The following NXPE3 variants were observed in gnomAD, a reference collection of about 807,000 sequenced individuals.
The protein encoded by NXPE3 is NXPE family member 3.
Under a neutral mutation model 46.1 loss-of-function variants are expected in NXPE3, and 26 were observed. The observed-to-expected ratio is 0.56, with a 90% CI of 0.41 to 0.78. The LOEUF (loss-of-function observed/expected upper bound fraction) is 0.78. NXPE3 is among the 30% of genes least tolerant of loss of function. The probability of loss-of-function intolerance (pLI) is 0.00; values close to 1 mark genes in which losing one functional copy is unlikely to be tolerated. For synonymous variants in NXPE3, 272 were observed against 257.9 expected (o/e 1.05, Z -0.52); for missense variants, 620 against 686.0 (o/e 0.90, Z 1.07).
Position 101,822,173 on chromosome 3 carries a change from A to C in NXPE3, c.*219A>C. On this transcript the variant is annotated 3_prime_UTR_variant, in exon 8 of 8. Transcript: ENST00000273347. ...CCAATGTTGACTTAGCCATGGTAGA[A>C]CTCTTAACTGCATCTACACACTATA... The C allele has an allele frequency of 3.5e-4, 174 of 495,738 alleles. No individual in the cohort carries two copies. The highest frequency in any genetic ancestry group is 1.7e-3 in the South Asian group (47 of 28,292). 30.7% of individuals were successfully genotyped at this position (495,738 alleles called of 1,614,324 possible). A position where few individuals can be genotyped will look rare whatever the true frequency, so the allele number is the denominator to read the frequency against.
intron 6 of NXPE3, among the ~76,000 whole-genome samples, chr3:101,808,850 T>TGTATACAC (rs1941569519): frequency 7.6e-6 from 1 of 132,450 alleles, no homozygotes; most frequent in African/African-American, 2.9e-5. Context: ...TATATATATA[T>TGTATACAC]ATATATGAGA....
chr3:101,805,938 T>C (rs759884853), intron 5 of NXPE3, among the ~76,000 whole-genome samples: 12 of 152,146 alleles, frequency 7.9e-5, no homozygotes, highest in Non-Finnish European at 1.5e-4. Flanking sequence ...ATTTTTTTCT[T>C]ACCATAAAAG....
In NXPE3 at chr3:101,804,213, C is replaced by T. The variant is rs183953255; in HGVS notation, c.848+2224C>T. Among the ~76,000 whole-genome samples, 15 of 152,256 alleles carry T rather than the reference C, an allele frequency of 9.9e-5. No homozygotes were observed. In the South Asian group the frequency reaches 1.5e-3, roughly 15 times the overall value. On this transcript the variant is annotated intron_variant, in intron 5 of 7. Transcript: ENST00000273347. ...AAAGAGGAAGAAACATAGTAATTTA[C>T]GCAAATTCCAGGTGGAAAATAGAGA...
At chr3:101,800,798 A>T (rs190435362) in intron 4 of NXPE3, among the ~76,000 whole-genome samples, 3 of 152,016 alleles carry the variant, frequency 2.0e-5, no homozygotes, top group Non-Finnish European at 4.4e-5. Flanking sequence ...CTCTGTCTGA[A>T]ATTAATATAA....
In NXPE3 at chr3:101,822,579, A is replaced by C. The variant is rs1021184880; in HGVS notation, c.*625A>C. 6.6e-6 allele frequency: 1 copy of C among 152,300 alleles called. No individual in the cohort carries two copies. The highest frequency in any genetic ancestry group is 1.5e-5 in the Non-Finnish European group (1 of 68,112). 9.4% of individuals were successfully genotyped at this position (152,300 alleles called of 1,614,324 possible). ...TTATCTAGAAAAGAAGCAAAAGGGA[A>C]ATATGAAAGCAGTATATATAAAATC... On this transcript the variant is annotated 3_prime_UTR_variant, in exon 8 of 8. Transcript: ENST00000273347.
chr3:101,787,405 C>G (rs1023692017), intron 4 of NXPE3, among the ~76,000 whole-genome samples: 3 of 152,176 alleles, frequency 2.0e-5, no homozygotes, highest in South Asian at 2.1e-4. Flanking sequence ...CTCCTGGGTT[C>G]AAGCGATTCT....
At position 101,823,144 on chromosome 3, in the gene NXPE3, T is replaced by TTA. The variant is rs1202122340; in HGVS notation, c.*1193_*1194dup. The TTA allele has an allele frequency of 6.6e-6, 1 of 152,108 alleles. No homozygotes were observed. The highest frequency in any genetic ancestry group is 1.5e-5 in the Non-Finnish European group (1 of 68,014). The allele number at this position is 152,108 out of a possible 1,614,324, so 9.4% of individuals were successfully genotyped here. A position where few individuals can be genotyped will look rare whatever the true frequency, so the allele number is the denominator to read the frequency against. ...TCTTTTCTTTTTGAGCTGTGATAGA[T>TTA]TATAGTCTAGTTTAAGTTGCTCCTA... is the stretch of plus-strand genomic sequence containing the variant. On this transcript the variant is annotated 3_prime_UTR_variant, in exon 8 of 8. Transcript: ENST00000273347.
intron 6 of NXPE3, among the ~76,000 whole-genome samples, chr3:101,814,410 C>G (rs1324842158): frequency 6.6e-6 from 1 of 152,202 alleles, no homozygotes; most frequent in Non-Finnish European, 1.5e-5. Flanking sequence ...CCAAATAAAG[C>G]TTTTAAAATC....
chr3:101,820,803 A>G (rs150381952), intron 7 of NXPE3, among the ~76,000 whole-genome samples: 2,154 of 152,364 alleles, frequency 0.014, 20 homozygotes, highest in Non-Finnish European at 0.024. Context: ...GTTCTCACTT[A>G]TAAGCGGGAG....
At chr3:101,817,087 A>G (rs1268718798) in intron 7 of NXPE3, 86 bp downstream of exon 7, 2 of 1,147,744 alleles carry the variant, frequency 1.7e-6, no homozygotes, top group East Asian at 4.7e-5. Flanking sequence ...AAGAAAGGTT[A>G]TCAGGTGAGG....
chr3:101,802,038 G>A, intron 5 of NXPE3, 49 bp downstream of exon 5: 1 of 1,513,274 alleles, frequency 6.6e-7, no homozygotes, highest in Non-Finnish European at 8.8e-7. Flanking sequence ...CTTTTCCACT[G>A]TCCTTGTCCC....
intron 4 of NXPE3, among the ~76,000 whole-genome samples, chr3:101,786,184 A>G (rs1396503659): frequency 1.3e-5 from 2 of 152,138 alleles, no homozygotes; most frequent in Non-Finnish European, 2.9e-5. Flanking sequence ...AATCCCTCAC[A>G]AGGGCCTGTC....
rs1323076760 is a variant in NXPE3, at chr3:101,827,322, G to A, written c.*5368G>A. On this transcript the variant is annotated 3_prime_UTR_variant, in exon 8 of 8. Coordinates refer to ENST00000273347, the MANE Select transcript of NXPE3 (RefSeq NM_145037.4). ...GAAATCCTTTCAGTTTTGTGCAGTG[G>A]TTCATTTGCTGTTAAATCTACCCCA... 6.6e-6 allele frequency: 1 copy of A among 152,140 alleles called. No homozygotes were observed. The highest frequency in any genetic ancestry group is 2.4e-5 in the African/African-American group (1 of 41,416). 9.4% of individuals were successfully genotyped at this position (152,140 alleles called of 1,614,324 possible).
rs1278240281 is a variant in NXPE3 at position 101,825,392 on chromosome 3, A to G, written c.*3438A>G. ...AAAGTTTATTTTAGGCTAGTGCCAC[A>G]TGGTTGTGAATATTAGCATGGTAGC... On this transcript the variant is annotated 3_prime_UTR_variant, in exon 8 of 8. Transcript: ENST00000273347. The G allele has an allele frequency of 6.6e-6, 1 of 152,252 alleles. No homozygotes were observed. Among genetic ancestry groups the G allele is most frequent in the Non-Finnish European group, 1.5e-5 (1 of 68,046 alleles). The allele number at this position is 152,252 out of a possible 1,614,324, so 9.4% of individuals were successfully genotyped here.
rs1412463208 is a variant in NXPE3, at chr3:101,822,262, T to C, written c.*308T>C. On this transcript the variant is annotated 3_prime_UTR_variant, in exon 8 of 8. Transcript: ENST00000273347. Reference sequence around the variant, plus strand: ...ATTAGCTTCTCCTAGGAGGGGTGACTACTTTGCTAAAGAGTATGAAAAATG... The same window carrying C: ...ATTAGCTTCTCCTAGGAGGGGTGACCACTTTGCTAAAGAGTATGAAAAATG... 7.0e-6 allele frequency: 2 copies of C among 284,516 alleles called. No homozygotes were observed. The highest frequency in any genetic ancestry group is 1.3e-5 in the Non-Finnish European group (2 of 149,456). The allele number at this position is 284,516 out of a possible 1,614,324, so 17.6% of individuals were successfully genotyped here. A position where few individuals can be genotyped will look rare whatever the true frequency, so the allele number is the denominator to read the frequency against.
In NXPE3 at chr3:101,801,427, C is replaced by G. The variant is rs267599518; in HGVS notation, c.286C>G (p.Pro96Ala). 1.2e-6 allele frequency: 2 copies of G among 1,614,076 alleles called. No homozygotes were observed. Among genetic ancestry groups the G allele is most frequent in the Admixed American group, 1.7e-5 (1 of 60,008 alleles). ...GCAGGTTCCTGATGTGGGCCCAGTC[C>G]CCTTTGTGAAGAGCACTGACCCTTC... is the stretch of plus-strand genomic sequence containing the variant. ...HRQVPDVGPV[P>A]FVKSTDPSSS... The change falls in exon 5 of 8, where the codon CCC (proline) becomes GCC (alanine). Residue 96 changes from proline to alanine, a missense_variant. Coordinates refer to ENST00000273347, the MANE Select transcript of NXPE3 (RefSeq NM_145037.4).
chr3:101,801,810 T>C lies in NXPE3; in HGVS notation c.669T>C (p.Thr223=). 1 of 1,614,216 alleles carries C rather than the reference T, an allele frequency of 6.2e-7. No homozygotes were observed. ...GTTCAGGAAGAATTTCTGAAACTAC[T>C]GAGTGCAACGTGTGTCTTCCTGGGA... is the stretch of plus-strand genomic sequence containing the variant. ...LFRSGRISET[T]ECNVCLPGNL... is the part of the protein sequence containing the mutation. Residue 223 remains threonine, a synonymous_variant, in exon 5 of 8, where the codon ACT becomes ACC. Coordinates refer to ENST00000273347, the MANE Select transcript of NXPE3 (RefSeq NM_145037.4).
In NXPE3 at chr3:101,822,581, T is replaced by C. The variant is rs1464810106; in HGVS notation, c.*627T>C. The stretch of plus-strand genomic sequence containing the variant: ...ATCTAGAAAAGAAGCAAAAGGGAAA[T>C]ATGAAAGCAGTATATATAAAATCTG... On this transcript the variant is annotated 3_prime_UTR_variant, in exon 8 of 8. Transcript: ENST00000273347. 1 of 152,262 alleles carries C rather than the reference T, an allele frequency of 6.6e-6. No homozygotes were observed. The highest frequency in any genetic ancestry group is 2.4e-5 in the African/African-American group (1 of 41,430). The allele number at this position is 152,262 out of a possible 1,614,324, so 9.4% of individuals were successfully genotyped here.
chr3:101,820,997 C>G (rs1375879926), intron 7 of NXPE3, among the ~76,000 whole-genome samples: 1 of 151,906 alleles, frequency 6.6e-6, no homozygotes, highest in South Asian at 2.1e-4. Context: ...CGTGCACTCC[C>G]AAACCTAAAA....
Sources: allele counts gnomAD v4.1 joint callset (sites outside exome capture counted in the v4.1 genomes callset), GRCh38; gene constraint gnomAD v4.1.1; transcripts MANE v1.5; gene names NCBI Gene and HGNC (gene_info 2026-07-23, HGNC 2026-07-21).